The following PRRT4 variants were observed in gnomAD, a reference collection of about 807,000 sequenced individuals.
PRRT4 encodes proline rich transmembrane protein 4, also known as proline-rich transmembrane protein 4.
PRRT4 carries 59 observed loss-of-function variants against 55.6 expected under a neutral mutation model. The observed-to-expected ratio is 1.06, with a 90% CI of 0.86 to 1.32. PRRT4 has a LOEUF of 1.32. Among genes scored for constraint, PRRT4 ranks in the 40% most tolerant of loss-of-function variants. PRRT4 has a pLI of 0.00. For synonymous variants in PRRT4, 606 were observed against 601.8 expected (o/e 1.01, Z -0.10); for missense variants, 1,217 against 1,222.0 (o/e 1.00, Z 0.06).
exon 5 of PRRT4, chr7:128,352,431 G>T: frequency 1.3e-6 from 2 of 1,537,480 alleles, no homozygotes; most frequent in Non-Finnish European, 1.7e-6. Context: ...AGGCAACCAG[G>T]CCGAAGAGCG....
In PRRT4 at chr7:128,351,146, C is replaced by T. The variant is rs1441807977; in HGVS notation, c.2410G>A (p.Gly804Ser). The T allele has an allele frequency of 1.4e-5, 22 of 1,546,952 alleles. No individual in the cohort carries two copies. Among genetic ancestry groups the T allele is most frequent in the East Asian group, 1.2e-4 (5 of 40,904 alleles). Residue 804 changes from glycine to serine, a missense_variant, in exon 5 of 5, where the codon GGC (glycine) becomes AGC (serine). This residue lies in a region of PRRT4 where 642 missense variants were observed against 600.9 expected (regional missense o/e 1.07). Coordinates refer to ENST00000535159, the Ensembl canonical transcript of PRRT4. ...TCCCGCGAGAGTCCGCAGAACGAGC[C>T]AGATGAGACGCTGCTGCCTGCGGGC...
At position 128,358,932 on chromosome 7, in the gene PRRT4, G is replaced by A. The variant is rs1267055169; in HGVS notation, c.758-132C>T. 2.9e-6 allele frequency: 4 copies of A among 1,395,078 alleles called. No individual in the cohort carries two copies. Among genetic ancestry groups the A allele is most frequent in the Non-Finnish European group, 3.8e-6 (4 of 1,049,618 alleles). 86.4% of individuals were successfully genotyped at this position (1,395,078 alleles called of 1,614,324 possible). On this transcript the variant is annotated intron_variant, in intron 3 of 4. Transcript: ENST00000535159. This position sits in a 1 kb window ranked among gnomAD's most constrained non-coding sequence, Gnocchi z 4.4. ...ACTGTCCCAGGAATTGTAGCCACATGCTAAGCTCATGTACACCATGAGCTA... is the reference window on the plus strand; with the variant it reads ...ACTGTCCCAGGAATTGTAGCCACATACTAAGCTCATGTACACCATGAGCTA...
rs545669319 is a variant in PRRT4 at position 128,355,146 on chromosome 7, A to G, written c.878-2468T>C. On this transcript the variant is annotated intron_variant, in intron 4 of 4. Transcript: ENST00000535159. ...TTAGTCAAAGAGTGAACATCAACAC[A>G]TTGTCTCACTTTATGAACTCTGTTT... 2.0e-5 allele frequency among the ~76,000 whole-genome samples: 3 copies of G among 152,232 alleles called. No homozygotes were observed. The East Asian group carries it at 5.8e-4, about 29-fold the overall frequency.
At position 128,356,086 on chromosome 7, in the gene PRRT4, C is replaced by T. The variant is rs573787659; in HGVS notation, c.877+2595G>A. ...CCAGCCTGGCCAACATGGTGAAACC[C>T]GACTCTTACTAAAAATACAAAAATT... On this transcript the variant is annotated intron_variant, in intron 4 of 4. Coordinates refer to ENST00000535159, the Ensembl canonical transcript of PRRT4. Among the ~76,000 whole-genome samples, 41 of 151,970 alleles carry T rather than the reference C, an allele frequency of 2.7e-4. 1 individual carries two copies. The highest frequency in any genetic ancestry group is 7.2e-4 in the African/African-American group (30 of 41,456).
chr7:128,351,083 G>A (rs1200847817), exon 5 of PRRT4: 5 of 1,548,826 alleles, frequency 3.2e-6, no homozygotes, highest in South Asian at 1.2e-5. Flanking sequence ...CAGCGCGGGG[G>A]CCTGTCGGGG....
Position 128,358,639 on chromosome 7 carries a change from C to G in PRRT4, c.877+42G>C. The G allele has an allele frequency of 6.5e-7, 1 of 1,527,280 alleles. No individual in the cohort carries two copies. Among genetic ancestry groups the G allele is most frequent in the Non-Finnish European group, 8.9e-7 (1 of 1,125,512 alleles). The allele number at this position is 1,527,280 out of a possible 1,614,324, so 94.6% of individuals were successfully genotyped here. On this transcript the variant is annotated intron_variant, in intron 4 of 4. Coordinates refer to ENST00000535159, the Ensembl canonical transcript of PRRT4. This position sits in a 1 kb window ranked among gnomAD's most constrained non-coding sequence, Gnocchi z 4.4. Reference sequence around the variant, plus strand: ...ATGAGTGACTAGCATGTAGTAAGTGCTCAATAAATAATTGTCAAGTTCAAA... The same window carrying G: ...ATGAGTGACTAGCATGTAGTAAGTGGTCAATAAATAATTGTCAAGTTCAAA...
chr7:128,358,856 G>A lies in PRRT4; in HGVS notation c.758-56C>T. ...CACCCCACCAACCAGCCTTGCCTCT[G>A]GGAGTTTGGAGAAAATTATGTCCTT... On this transcript the variant is annotated intron_variant, in intron 3 of 4. Transcript: ENST00000535159. The surrounding 1 kb of genome is among the most constrained non-coding windows in gnomAD (Gnocchi z 4.4). 1 of 1,479,070 alleles carries A rather than the reference G, an allele frequency of 6.8e-7. No individual in the cohort carries two copies. 91.6% of individuals were successfully genotyped at this position (1,479,070 alleles called of 1,614,324 possible).
At chr7:128,359,015 T>G in intron 3 of PRRT4, 134 bp downstream of exon 4, 1 of 1,178,700 alleles carries the variant, frequency 8.5e-7, no homozygotes, top group South Asian at 1.4e-5. Context: ...TCCGTGGAAG[T>G]AGTAGCCCAT....
chr7:128,351,200 G>C, exon 5 of PRRT4: 1 of 1,541,456 alleles, frequency 6.5e-7, no homozygotes, highest in South Asian at 1.2e-5. Context: ...AGCTCCGGGG[G>C]CGCAGCGGGG....
exon 5 of PRRT4, chr7:128,351,022 C>G: frequency 6.5e-7 from 1 of 1,549,982 alleles, no homozygotes; most frequent in Non-Finnish European, 8.7e-7. Flanking sequence ...GGCCGGGAGG[C>G]TGGGGCTGCT....
chr7:128,352,161 G>C, exon 5 of PRRT4: 1 of 1,382,092 alleles, frequency 7.2e-7, no homozygotes, highest in Non-Finnish European at 9.3e-7. Flanking sequence ...CAGCCAGGCC[G>C]GTGGGGCACC....
Position 128,358,729 on chromosome 7 carries a change from C to T in PRRT4, c.829G>A (p.Asp277Asn). ...GCAAAACTTAGGGAAGCAGCTGGGTCCAGAGGACTTGGGCTGGAGAGCTTC... is the reference window on the plus strand; with the variant it reads ...GCAAAACTTAGGGAAGCAGCTGGGTTCAGAGGACTTGGGCTGGAGAGCTTC... The change falls in exon 4 of 5, where the codon GAC becomes AAC. Residue 277 changes from aspartate to asparagine, a missense_variant. Physicochemically the swap from Asp to Asn is conservative, Grantham distance 23 (BLOSUM62 1). This residue lies in a region of PRRT4 where 564 missense variants were observed against 592.9 expected (regional missense o/e 0.95). Transcript: ENST00000535159. This position sits in a 1 kb window ranked among gnomAD's most constrained non-coding sequence, Gnocchi z 4.4. 17 of 1,551,700 alleles carry T rather than the reference C, an allele frequency of 1.1e-5. No homozygotes were observed. The highest frequency in any genetic ancestry group is 1.5e-5 in the Non-Finnish European group (17 of 1,146,988).
exon 5 of PRRT4, chr7:128,351,099 A>G: frequency 1.9e-6 from 3 of 1,548,704 alleles, no homozygotes; most frequent in Non-Finnish European, 2.6e-6. Context: ...CGGGGCTGGA[A>G]CACAGCAGCA....
exon 5 of PRRT4, chr7:128,352,172 G>A: frequency 2.1e-6 from 3 of 1,400,184 alleles, no homozygotes; most frequent in Non-Finnish European, 1.8e-6. Flanking sequence ...GTGGGGCACC[G>A]CGGCGGGCGC....
exon 1 of PRRT4, chr7:128,361,664 C>T (rs1797262819): frequency 6.6e-6 from 1 of 152,462 alleles, no homozygotes; most frequent in South Asian, 1.9e-4. Context: ...AAGCCGCCCG[C>T]GCCGGGGCTC....
chr7:128,359,816 T>C, exon 2 of PRRT4: 1 of 1,518,906 alleles, frequency 6.6e-7, no homozygotes, highest in African/African-American at 1.4e-5. Context: ...TCCCCGAAGA[T>C]GGAATTTGAA....
At chr7:128,350,780 G>A (rs1796938408), downstream of PRRT4, 1 of 1,519,346 alleles carries the variant, frequency 6.6e-7, no homozygotes, top group South Asian at 1.2e-5. Flanking sequence ...ATTGGGGAAG[G>A]ATTACAGTGT....
chr7:128,359,834 C>G, exon 2 of PRRT4: 1 of 1,515,732 alleles, frequency 6.6e-7, no homozygotes, highest in Non-Finnish European at 8.9e-7. Flanking sequence ...GAAGTTAAGT[C>G]CCAGGTTGAG....
chr7:128,359,746 G>C (rs1043810373), exon 2 of PRRT4: 17 of 1,551,224 alleles, frequency 1.1e-5, no homozygotes, highest in Non-Finnish European at 1.5e-5. Context: ...CTGGCTCCTG[G>C]CCTGGCCCAA....
Sources: gnomAD v4.1 joint callset for allele counts (sites outside exome capture counted in the v4.1 genomes callset) on GRCh38, gnomAD v4.1.1 for gene constraint, gnomAD v4.1.1 regional missense constraint, Gnocchi (gnomAD v3.1) non-coding constraint, MANE v1.5 for transcripts, NCBI Gene and HGNC (gene_info 2026-07-23, HGNC 2026-07-21) for gene names.